Variants in ADAMTS19 observed in about 807,000 individuals in gnomAD.
ADAMTS19 encodes ADAM metallopeptidase with thrombospondin type 1 motif 19.
Under a neutral mutation model 153.3 loss-of-function variants are expected in ADAMTS19, and 93 were observed. That is an observed-to-expected ratio of 0.61 (90% CI 0.51 to 0.72). The LOEUF (loss-of-function observed/expected upper bound fraction) is 0.72. ADAMTS19 is among the 30% of genes least tolerant of loss of function. ADAMTS19 has a pLI of 0.00. For missense variants in ADAMTS19, 1,482 were observed against 1,552.1 expected (o/e 0.95, Z 0.76); for synonymous variants, 600 against 556.6 (o/e 1.08, Z -1.10).
At chr5:129,468,283 T>A (rs1749942681) in intron 2 of ADAMTS19, among the ~76,000 whole-genome samples, 1 of 152,222 alleles carries the variant, frequency 6.6e-6, no homozygotes, top group African/African-American at 2.4e-5. Flanking sequence ...CTCTTTCCCA[T>A]GTCCTGTTAC....
At chr5:129,524,317 A>G (rs1433398481) in intron 3 of ADAMTS19, among the ~76,000 whole-genome samples, 2 of 152,204 alleles carry the variant, frequency 1.3e-5, no homozygotes, top group Non-Finnish European at 2.9e-5. Context: ...AAGATAGATT[A>G]AAGACTTAAA....
intron 16 of ADAMTS19, among the ~76,000 whole-genome samples, chr5:129,679,427 C>T (rs1394381170): frequency 3.9e-5 from 6 of 152,056 alleles, no homozygotes; most frequent in Admixed American, 3.3e-4. Context: ...ACTGGATAGA[C>T]TAAATAGATA....
At chr5:129,463,094 A>G (rs750146421) in intron 2 of ADAMTS19, among the ~76,000 whole-genome samples, 2 of 152,242 alleles carry the variant, frequency 1.3e-5, no homozygotes, top group Non-Finnish European at 2.9e-5. Context: ...TTTTATTAAA[A>G]GGTTTTATGT....
intron 13 of ADAMTS19, among the ~76,000 whole-genome samples, chr5:129,651,472 C>T (rs1753310019): frequency 6.6e-6 from 1 of 152,158 alleles, no homozygotes; most frequent in South Asian, 2.1e-4. Flanking sequence ...CCATCATTCT[C>T]TTTTATAGAA....
rs114548218 is a variant in ADAMTS19, at chr5:129,514,357, C to A, written c.913+5115C>A. 8.5e-3 allele frequency among the ~76,000 whole-genome samples: 1,291 copies of A among 152,136 alleles called. 10 individuals are homozygous for A. Among genetic ancestry groups the A allele is most frequent in the Non-Finnish European group, 0.012 (832 of 67,962 alleles). ...AGCTCTCTTTTTAATGTTTGAGGAACCTTCAAACTGTTCTCCATAGTGGTT... is the reference window on the plus strand; with the variant it reads ...AGCTCTCTTTTTAATGTTTGAGGAAACTTCAAACTGTTCTCCATAGTGGTT... On this transcript the variant is annotated intron_variant, in intron 3 of 22. Transcript: ENST00000274487.
At chr5:129,519,333 T>G (rs557266009) in intron 3 of ADAMTS19, among the ~76,000 whole-genome samples, 1 of 152,204 alleles carries the variant, frequency 6.6e-6, no homozygotes, top group East Asian at 1.9e-4. Context: ...TGTGTGGTTG[T>G]GCTCATATCC....
intron 18 of ADAMTS19, among the ~76,000 whole-genome samples, chr5:129,686,892 A>C (rs1755117549): frequency 6.6e-6 from 1 of 152,042 alleles, no homozygotes; most frequent in African/African-American, 2.4e-5. Context: ...GCCACAAGAA[A>C]TTTTCAGTGG....
rs1302930644 is a variant in ADAMTS19, at chr5:129,649,637, AGAC to A, written c.2176+668_2176+670del. On this transcript the variant is annotated intron_variant, in intron 13 of 22. Coordinates refer to ENST00000274487, the MANE Select transcript of ADAMTS19 (RefSeq NM_133638.6). ...GATCTTTGTGCTAATGAATAGTTTCAGACCTTGATTGCGGCAGTGGTTGCACAA... is the reference window on the plus strand; with the variant it reads ...GATCTTTGTGCTAATGAATAGTTTCACTTGATTGCGGCAGTGGTTGCACAA... 1.4e-3 allele frequency among the ~76,000 whole-genome samples: 211 copies of A among 152,258 alleles called. 1 individual carries two copies. Among genetic ancestry groups the A allele is most frequent in the African/African-American group, 3.8e-3 (157 of 41,562 alleles).
At chr5:129,608,647 C>T (rs1350930356) in intron 8 of ADAMTS19, among the ~76,000 whole-genome samples, 1 of 151,912 alleles carries the variant, frequency 6.6e-6, no homozygotes, top group Admixed American at 6.6e-5. Flanking sequence ...TATAATGGCT[C>T]ACAGTGGAGC....
At chr5:129,701,655 G>A in intron 20 of ADAMTS19, 63 bp downstream of exon 20, 1 of 1,538,452 alleles carries the variant, frequency 6.5e-7, no homozygotes, top group Non-Finnish European at 8.8e-7. Context: ...ACAAGATCAG[G>A]TTGGATCATG....
At chr5:129,716,349 CCA>C (rs1298802533) in intron 21 of ADAMTS19, among the ~76,000 whole-genome samples, 1 of 152,004 alleles carries the variant, frequency 6.6e-6, no homozygotes, top group East Asian at 1.9e-4. Flanking sequence ...CAGGCATGCA[CCA>C]CCACACCCAG....
chr5:129,684,294 T>C (rs752759729), intron 18 of ADAMTS19, 21 bp downstream of exon 18: 3 of 1,611,920 alleles, frequency 1.9e-6, no homozygotes, highest in African/African-American at 2.7e-5. Context: ...TTTAAACATT[T>C]ATCTTTCCAA....
chr5:129,461,183 G>A lies in ADAMTS19; in HGVS notation c.173G>A (p.Gly58Asp), dbSNP rs1749639593. 1 of 1,364,698 alleles carries A rather than the reference G, an allele frequency of 7.3e-7. No individual in the cohort carries two copies. The highest frequency in any genetic ancestry group is 1.8e-5 in the South Asian group (1 of 55,336). The allele number at this position is 1,364,698 out of a possible 1,614,324, so 84.5% of individuals were successfully genotyped here. A position where few individuals can be genotyped will look rare whatever the true frequency, so the allele number is the denominator to read the frequency against. The change falls in exon 2 of 23, where the codon GGC becomes GAC. Residue 58 changes from glycine (G) to aspartate (D), a missense_variant. Physicochemically the swap from Gly to Asp is moderately conservative, Grantham distance 94 (BLOSUM62 -1). Around this residue, in one of 2 missense-constraint regions of ADAMTS19, gnomAD observed 866 missense variants for 827.7 expected, o/e 1.05. Transcript: ENST00000274487. This position sits in a 1 kb window ranked among gnomAD's most constrained non-coding sequence, Gnocchi z 4.6. ...CGCCGGGAGCCGGTGGACCCGGCTG[G>A]CGGCAGCGGGGGCAGCGCGGACCCG... The part of the protein sequence containing the change: ...LWRREPVDPA[G>D]GSGGSADPGW...
intron 7 of ADAMTS19, among the ~76,000 whole-genome samples, chr5:129,571,480 C>A (rs1753907105): frequency 2.6e-5 from 4 of 151,322 alleles, no homozygotes; most frequent in Admixed American, 1.3e-4. Context: ...CAAACAGGTA[C>A]AAAATCTGTA....
intron 7 of ADAMTS19, among the ~76,000 whole-genome samples, chr5:129,588,137 C>A (rs540036306): frequency 3.3e-5 from 5 of 152,084 alleles, no homozygotes; most frequent in Admixed American, 3.3e-4. Context: ...TGAATGGATA[C>A]GTTTACTTCT....
At chr5:129,677,775 T>G (rs1272852779) in intron 16 of ADAMTS19, among the ~76,000 whole-genome samples, 4 of 152,140 alleles carry the variant, frequency 2.6e-5, no homozygotes, top group African/African-American at 9.7e-5. Flanking sequence ...ACCAGCCCAT[T>G]TTCCACAGAA....
intron 2 of ADAMTS19, among the ~76,000 whole-genome samples, chr5:129,505,186 C>A (rs958944667): frequency 4.6e-5 from 7 of 152,050 alleles, no homozygotes; most frequent in African/African-American, 1.7e-4. Flanking sequence ...GAAACTTTAT[C>A]TAAAAATCTG....
chr5:129,531,179 A>C (rs1752190403), intron 6 of ADAMTS19, among the ~76,000 whole-genome samples: 1 of 152,228 alleles, frequency 6.6e-6, no homozygotes, highest in Non-Finnish European at 1.5e-5. Context: ...AATATTATTA[A>C]ATGTCAGTTT....
At chr5:129,599,293 G>A (rs1053055515) in intron 8 of ADAMTS19, among the ~76,000 whole-genome samples, 4 of 151,888 alleles carry the variant, frequency 2.6e-5, no homozygotes, top group Admixed American at 6.6e-5. Flanking sequence ...AAAATGCTGA[G>A]AATAATGTCT....
Sources: allele counts gnomAD v4.1 joint callset (sites outside exome capture counted in the v4.1 genomes callset), GRCh38; gene constraint gnomAD v4.1.1; regional missense constraint gnomAD v4.1.1; non-coding constraint Gnocchi (gnomAD v3.1); transcripts MANE v1.5; gene names NCBI Gene and HGNC (gene_info 2026-07-23, HGNC 2026-07-21).